Variants in ASIC2 observed in about 807,000 individuals in gnomAD.
The protein encoded by ASIC2 is acid sensing ion channel subunit 2.
Under a neutral mutation model 57.3 loss-of-function variants are expected in ASIC2, and 25 were observed. The observed-to-expected ratio is 0.44, with a 90% CI of 0.32 to 0.61. The LOEUF is 0.61. Among genes scored for constraint, ASIC2 ranks in the 20% least tolerant of loss-of-function variants. The pLI, the probability that ASIC2 is intolerant of heterozygous loss-of-function variation, is 0.06. For synonymous variants in ASIC2, 319 were observed against 307.5 expected (o/e 1.04, Z -0.39); for missense variants, 641 against 738.1 (o/e 0.87, Z 1.52).
chr17:33,311,083 G>C (rs561582378), intron 1 of ASIC2, among the ~76,000 whole-genome samples: 15 of 152,306 alleles, frequency 9.8e-5, no homozygotes, highest in African/African-American at 3.4e-4. Flanking sequence ...CAAGACTCCA[G>C]TTCCATCCTA....
intron 1 of ASIC2, among the ~76,000 whole-genome samples, chr17:33,808,715 T>C (rs1912336115): frequency 6.6e-6 from 1 of 152,196 alleles, no homozygotes; most frequent in Non-Finnish European, 1.5e-5. Context: ...ATGTAGATGA[T>C]AATACTTGAT....
intron 1 of ASIC2, among the ~76,000 whole-genome samples, chr17:34,127,252 A>C (rs1911814900): frequency 1.3e-5 from 2 of 152,204 alleles, no homozygotes; most frequent in Non-Finnish European, 2.9e-5. Context: ...ACTTCCTATC[A>C]CAAGATCTGG....
intron 1 of ASIC2, among the ~76,000 whole-genome samples, chr17:33,996,811 C>T (rs1906175537): frequency 6.6e-6 from 1 of 152,134 alleles, no homozygotes; most frequent in Non-Finnish European, 1.5e-5. Context: ...CTTTGTATTT[C>T]TTGCTCAAGG....
chr17:34,011,816 C>T (rs1008776088), intron 1 of ASIC2, among the ~76,000 whole-genome samples: 21 of 152,216 alleles, frequency 1.4e-4, no homozygotes, highest in African/African-American at 4.6e-4. Context: ...CCACTCACCC[C>T]ACTCCCCGCC....
At chr17:33,321,281 T>C (rs1458352902) in intron 1 of ASIC2, among the ~76,000 whole-genome samples, 1 of 152,234 alleles carries the variant, frequency 6.6e-6, no homozygotes, top group Admixed American at 6.5e-5. Context: ...GATTAGTTTT[T>C]GCTGCAGAGC....
At chr17:33,268,416 T>G (rs951917433) in intron 1 of ASIC2, among the ~76,000 whole-genome samples, 11 of 152,092 alleles carry the variant, frequency 7.2e-5, no homozygotes, top group African/African-American at 2.7e-4. Context: ...CATTCATCTA[T>G]TCACTCATCC....
intron 1 of ASIC2, among the ~76,000 whole-genome samples, chr17:33,551,376 G>A (rs926025091): frequency 1.3e-5 from 2 of 152,164 alleles, no homozygotes; most frequent in Non-Finnish European, 2.9e-5. Context: ...TAGTCCAGGG[G>A]AGGAATGATG....
intron 1 of ASIC2, among the ~76,000 whole-genome samples, chr17:33,795,326 C>A (rs2071778438): frequency 6.6e-6 from 1 of 152,244 alleles, no homozygotes; most frequent in African/African-American, 2.4e-5. Flanking sequence ...TGAAAATCTC[C>A]TTCAACTCCA....
intron 1 of ASIC2, among the ~76,000 whole-genome samples, chr17:34,154,210 C>T (rs1443648597): frequency 6.6e-6 from 1 of 152,146 alleles, no homozygotes; most frequent in African/African-American, 2.4e-5. Flanking sequence ...TGAAGCCGAG[C>T]GTTGCCAGGC....
chr17:33,328,579 C>T (rs371588189), intron 1 of ASIC2, among the ~76,000 whole-genome samples: 17 of 152,200 alleles, frequency 1.1e-4, no homozygotes, highest in African/African-American at 3.1e-4. Context: ...AGAGACACAA[C>T]CTCTTCAGGG....
At chr17:34,012,621 T>C (rs1906811310) in intron 1 of ASIC2, among the ~76,000 whole-genome samples, 1 of 152,148 alleles carries the variant, frequency 6.6e-6, no homozygotes, top group African/African-American at 2.4e-5. Flanking sequence ...GAGTGCCCTG[T>C]TTAGATTTTC....
At chr17:34,127,814 CT>C (rs1911833201) in intron 1 of ASIC2, among the ~76,000 whole-genome samples, 1 of 152,158 alleles carries the variant, frequency 6.6e-6, no homozygotes, top group Non-Finnish European at 1.5e-5. Flanking sequence ...AAAGAGGAGG[CT>C]GTACAAAGAG....
At chr17:33,698,672 G>A (rs1908604283) in intron 1 of ASIC2, among the ~76,000 whole-genome samples, 1 of 152,140 alleles carries the variant, frequency 6.6e-6, no homozygotes, top group African/African-American at 2.4e-5. Flanking sequence ...TGTTGATGAG[G>A]TTTCAACAAA....
intron 1 of ASIC2, among the ~76,000 whole-genome samples, chr17:33,565,611 A>T (rs1916209447): frequency 6.6e-6 from 1 of 152,006 alleles, no homozygotes; most frequent in South Asian, 2.1e-4. Flanking sequence ...CAGGCCTCCC[A>T]CCTCAGGTGA....
intron 1 of ASIC2, among the ~76,000 whole-genome samples, chr17:33,799,976 T>A (rs1441410541): frequency 6.6e-6 from 1 of 152,184 alleles, no homozygotes; most frequent in East Asian, 1.9e-4. Context: ...TAAAATTGGC[T>A]CTCACTAGGT....
intron 1 of ASIC2, among the ~76,000 whole-genome samples, chr17:33,530,442 G>A (rs928271926): frequency 1.3e-5 from 2 of 152,270 alleles, no homozygotes; most frequent in Non-Finnish European, 2.9e-5. Context: ...GCAAGGGGAA[G>A]TCTTGGCAGA....
At chr17:33,948,397 GC>G (rs1904453178) in intron 1 of ASIC2, among the ~76,000 whole-genome samples, 1 of 152,218 alleles carries the variant, frequency 6.6e-6, no homozygotes, top group African/African-American at 2.4e-5. Context: ...ATGTGGCCTG[GC>G]CCTTTGCAGA....
chr17:33,417,971 C>T (rs544693264), intron 1 of ASIC2, among the ~76,000 whole-genome samples: 1 of 151,140 alleles, frequency 6.6e-6, no homozygotes, highest in African/African-American at 2.4e-5. Context: ...ATTTTGTTGA[C>T]CCAGCTATCT....
At chr17:33,619,879 T>C (rs1905727949) in intron 1 of ASIC2, among the ~76,000 whole-genome samples, 1 of 151,958 alleles carries the variant, frequency 6.6e-6, no homozygotes, top group South Asian at 2.1e-4. Flanking sequence ...TCTTTCAAGG[T>C]AGAGGTGACA....
Sources: gnomAD v4.1 joint callset for allele counts (sites outside exome capture counted in the v4.1 genomes callset) on GRCh38, gnomAD v4.1.1 for gene constraint, MANE v1.5 for transcripts, NCBI Gene and HGNC (gene_info 2026-07-23, HGNC 2026-07-21) for gene names.